The following PKD1L3 variants were observed in gnomAD, a reference collection of about 807,000 sequenced individuals.
The protein encoded by PKD1L3 is polycystin 1 like 3, transient receptor potential channel interacting.
PKD1L3 carries 239 observed loss-of-function variants against 184.1 expected under a neutral mutation model. The observed-to-expected ratio is 1.30, with a 90% CI of 1.17 to 1.45. The LOEUF is 1.45. Among genes scored for constraint, PKD1L3 ranks in the 40% most tolerant of loss-of-function variants. The pLI is 0.00. For missense variants in PKD1L3, 2,660 were observed against 2,067.2 expected (o/e 1.29, Z -5.56); for synonymous variants, 996 against 778.8 (o/e 1.28, Z -4.64).
At chr16:71,944,448 G>A (rs1050618644) in intron 22 of PKD1L3, among the ~76,000 whole-genome samples, 1 of 152,110 alleles carries the variant, frequency 6.6e-6, no homozygotes, top group African/African-American at 2.4e-5. Flanking sequence ...CACTTTGGGA[G>A]GCCAAGGCAG....
Position 71,932,431 on chromosome 16 carries a change from A to G in PKD1L3, c.4926+989T>C, listed in dbSNP as rs188568183. Among the ~76,000 whole-genome samples the G allele has an allele frequency of 4.0e-4, 61 of 152,302 alleles. 2 individuals carry two copies. The highest frequency in any genetic ancestry group is 2.0e-4 in the Admixed American group (3 of 15,298). The stretch of plus-strand genomic sequence containing the variant: ...GTTATTAACTCAACAGAAATAACGC[A>G]GTTTCTCTTAGAACTGTACCTTCCT... On this transcript the variant is annotated intron_variant, in intron 28 of 29. Transcript: ENST00000620267.
At chr16:71,992,485 C>T (rs891659557) in intron 3 of PKD1L3, among the ~76,000 whole-genome samples, 2 of 152,178 alleles carry the variant, frequency 1.3e-5, no homozygotes, top group Non-Finnish European at 2.9e-5. Context: ...TCTTTAACAT[C>T]ATTGCATTAA....
rs759330639 is a variant in PKD1L3, at chr16:71,951,609, C to G, written c.3145G>C (p.Glu1049Gln). ...LLSSLVSSHL[E>Q]GQGCHQQGER... The stretch of plus-strand genomic sequence containing the variant: ...CCCTGCTGATGACAGCCTTGACCCT[C>G]CAAGTGAGATGATACGAGGCTGGAT... The change falls in exon 19 of 30, where the codon GAG becomes CAG. Residue 1049 changes from glutamate (E) to glutamine (Q), a missense_variant. Glu to Gln is a conservative substitution (Grantham distance 29). Transcript: ENST00000620267. The G allele has an allele frequency of 1.3e-6, 2 of 1,551,866 alleles. No homozygotes were observed. Among genetic ancestry groups the G allele is most frequent in the South Asian group, 2.4e-5 (2 of 84,064 alleles).
intron 21 of PKD1L3, among the ~76,000 whole-genome samples, chr16:71,948,903 AAGT>A (rs1200242832): frequency 1.3e-5 from 2 of 151,458 alleles, no homozygotes; most frequent in Non-Finnish European, 2.9e-5. Context: ...TCAAGATACC[AAGT>A]AGTTTCATCA....
Position 71,969,882 on chromosome 16 carries a change from A to T in PKD1L3, c.2177T>A (p.Met726Lys), listed in dbSNP as rs771416662. 4.5e-6 allele frequency: 7 copies of T among 1,547,678 alleles called. No individual in the cohort carries two copies. The Admixed American group carries it at 5.9e-5, about 13-fold the overall frequency. ...VWARKKDQAD[M>K]QKVKVTVLAD... ...AAATCAAAGTCTCATTACCTTCTGC[A>T]TATCTGCTTGATCCTTTTTCCGAGC... The change falls in exon 13 of 30, where the codon ATG (methionine) becomes AAG (lysine). Residue 726 changes from methionine to lysine, a missense_variant. By Grantham distance (95) the Met-to-Lys change is moderately conservative (BLOSUM62 -1). Transcript: ENST00000620267.
chr16:71,984,448 G>A (rs1283083000), intron 5 of PKD1L3, among the ~76,000 whole-genome samples: 1 of 152,246 alleles, frequency 6.6e-6, no homozygotes, highest in African/African-American at 2.4e-5. Flanking sequence ...AACTTTAAGT[G>A]TTAAGGCCAT....
In PKD1L3 at chr16:71,979,788, G is replaced by A. The variant is rs746031778; in HGVS notation, c.1396C>T (p.Gln466Ter). 3 of 1,498,076 alleles carry A rather than the reference G, an allele frequency of 2.0e-6. No homozygotes were observed. The South Asian group carries it at 4.0e-5, about 20-fold the overall frequency. The allele number at this position is 1,498,076 out of a possible 1,614,324, so 92.8% of individuals were successfully genotyped here. ...LLNKHPGVNV[Q>*]ITGLAFNPFK... ...ATCACAATCAATTTCACACTCACTT[G>A]GACATTAACTCCTGGATGTTTATTC... is the stretch of plus-strand genomic sequence containing the variant. Residue 466 changes from glutamine to a stop codon, truncating the protein, a stop_gained and splice_region_variant, in exon 9 of 30, where the codon CAA (glutamine) becomes TAA (stop). Transcript: ENST00000620267. LOFTEE classifies it high-confidence loss of function.
intron 16 of PKD1L3, among the ~76,000 whole-genome samples, chr16:71,959,545 A>G (rs554467503): frequency 5.9e-5 from 9 of 152,340 alleles, no homozygotes; most frequent in African/African-American, 2.2e-4. Flanking sequence ...TCTAAAAACA[A>G]AATGGTAAAA....
At chr16:71,990,149 G>C (rs564719651) in intron 4 of PKD1L3, 131 bp downstream of exon 4, 239 of 632,098 alleles carry the variant, frequency 3.8e-4, no homozygotes, top group Non-Finnish European at 4.1e-4. Flanking sequence ...TTTCTTGCAC[G>C]TAAGTACTTT....
At chr16:71,963,443 C>G in intron 15 of PKD1L3, 92 bp from the exon 16 acceptor site, 2 of 1,290,374 alleles carry the variant, frequency 1.5e-6, no homozygotes, top group Non-Finnish European at 2.1e-6. Flanking sequence ...GTAAACTGTC[C>G]AAGTAAATGA....
At chr16:71,988,957 A>C (rs113995212) in intron 4 of PKD1L3, among the ~76,000 whole-genome samples, 1 of 152,210 alleles carries the variant, frequency 6.6e-6, no homozygotes. Flanking sequence ...ACAATGTTGC[A>C]TATTTCACAA....
chr16:71,972,652 C>T lies in PKD1L3; in HGVS notation c.1953+672G>A, dbSNP rs199593899. Among the ~76,000 whole-genome samples, 9 of 152,234 alleles carry T rather than the reference C, an allele frequency of 5.9e-5. No homozygotes were observed. The East Asian group carries it at 1.5e-3, about 26-fold the overall frequency. On this transcript the variant is annotated intron_variant, in intron 12 of 29. Coordinates refer to ENST00000620267, the MANE Select transcript of PKD1L3 (RefSeq NM_181536.2). ...TAAGCCGTGATCATGCCACTGCACT[C>T]CAGCCTGAGGGACAGAATGAGATCC... is the stretch of plus-strand genomic sequence containing the variant.
intron 6 of PKD1L3, 108 bp downstream of exon 6, chr16:71,983,928 G>A (rs2040261372): frequency 7.1e-7 from 1 of 1,408,786 alleles, no homozygotes; most frequent in Non-Finnish European, 9.5e-7. Flanking sequence ...CTTCTAAAGT[G>A]CTGGGATTAC....
intron 27 of PKD1L3, 47 bp downstream of exon 27, chr16:71,933,868 A>T (rs778328237): frequency 6.5e-7 from 1 of 1,535,026 alleles, no homozygotes; most frequent in South Asian, 1.2e-5. Flanking sequence ...ATGCGATTCC[A>T]AGACCACAGC....
chr16:71,998,442 T>C (rs1567560948), intron 1 of PKD1L3, 48 bp from the exon 2 acceptor site: 4 of 1,519,220 alleles, frequency 2.6e-6, no homozygotes, highest in Non-Finnish European at 3.5e-6. Flanking sequence ...AAAGCCAGGC[T>C]TTTAGGTTTA....
At chr16:71,977,898 C>T (rs1012719591) in intron 10 of PKD1L3, among the ~76,000 whole-genome samples, 1 of 152,152 alleles carries the variant, frequency 6.6e-6, no homozygotes, top group Admixed American at 6.6e-5. Context: ...CCTCAGCCTC[C>T]AGAGTAGCTG....
chr16:71,935,262 C>T, intron 26 of PKD1L3, 96 bp downstream of exon 26: 1 of 1,279,562 alleles, frequency 7.8e-7, no homozygotes, highest in South Asian at 1.6e-5. Context: ...TATGCAAATA[C>T]AGATCTGGTA....
intron 2 of PKD1L3, among the ~76,000 whole-genome samples, chr16:71,997,144 C>A (rs563686235): frequency 6.6e-6 from 1 of 152,184 alleles, no homozygotes; most frequent in South Asian, 2.1e-4. Context: ...CACCTGTTGA[C>A]AGACATCTGA....
chr16:71,966,211 T>G (rs571675055), intron 15 of PKD1L3, among the ~76,000 whole-genome samples: 16 of 152,262 alleles, frequency 1.1e-4, no homozygotes, highest in Non-Finnish European at 1.5e-4. Flanking sequence ...TCTTTTTTCC[T>G]AACTCCAAGG....
Sources: allele counts gnomAD v4.1 joint callset (sites outside exome capture counted in the v4.1 genomes callset), GRCh38; gene constraint gnomAD v4.1.1; transcripts MANE v1.5; gene names NCBI Gene and HGNC (gene_info 2026-07-23, HGNC 2026-07-21).